PCDHGB3: variants seen among roughly 807,000 people sequenced by gnomAD.
PCDHGB3 encodes the protein protocadherin gamma subfamily B, 3.
A neutral mutation model predicts 59.2 loss-of-function variants in PCDHGB3; 40 were observed. The observed-to-expected ratio is 0.68, with a 90% CI of 0.52 to 0.88. The LOEUF is 0.88. Among genes scored for constraint, PCDHGB3 ranks in the 40% least tolerant of loss-of-function variants. PCDHGB3 has a pLI of 0.00. For synonymous variants in PCDHGB3, 581 were observed against 503.6 expected (o/e 1.15, Z -2.06); for missense variants, 1,309 against 1,187.9 (o/e 1.10, Z -1.50).
chr5:141,423,382 C>G, intron 1 of PCDHGB3: 1 of 1,614,118 alleles, frequency 6.2e-7, no homozygotes, highest in Non-Finnish European at 8.5e-7. Flanking sequence ...CAGGCTGTGG[C>G]GCTGGCATAA....
At chr5:141,387,600 A>T (rs1033182750) in intron 1 of PCDHGB3, 3 of 541,478 alleles carry the variant, frequency 5.5e-6, no homozygotes, top group Admixed American at 7.3e-5. Context: ...GAAGCAGCAG[A>T]GGCTGTAGTT....
At chr5:141,438,649 CACAT>C (rs2098044358) in intron 1 of PCDHGB3, among the ~76,000 whole-genome samples, 1 of 100,976 alleles carries the variant, frequency 9.9e-6, no homozygotes, top group Non-Finnish European at 2.0e-5. Context: ...CACACACACA[CACAT>C]ATATGTATAT....
At chr5:141,422,881 T>G in intron 1 of PCDHGB3, 1 of 1,614,214 alleles carries the variant, frequency 6.2e-7, no homozygotes, top group East Asian at 2.2e-5. Flanking sequence ...GCTGAGCCTG[T>G]TCGTGCTGGA....
chr5:141,494,613 G>A (rs2099755672), intron 1 of PCDHGB3, among the ~76,000 whole-genome samples, 194 bp from the exon 2 acceptor site: 1 of 152,136 alleles, frequency 6.6e-6, no homozygotes, highest in Non-Finnish European at 1.5e-5. Context: ...TTATCTCTTG[G>A]TTTCTGGTAC....
At chr5:141,424,894 T>C (rs868851823) in intron 1 of PCDHGB3, among the ~76,000 whole-genome samples, 44 of 152,320 alleles carry the variant, frequency 2.9e-4, no homozygotes, top group African/African-American at 9.9e-4. Flanking sequence ...TCTAGGGTTT[T>C]TGATCACAGG....
In PCDHGB3 at chr5:141,372,777, GA is replaced by G; in HGVS notation, c.2386del (p.Met796CysfsTer53). ...TTGGTTTGAAAGTAATGACAATCCA[GA>G]AATGCCTTCTAATTCAGGCAATTTG... ...ASWFESNDNPEMPSNSGNLQK... is the reference protein window; with the variant it reads ...ASWFESNDNPXMPSNSGNLQK... On this transcript the variant is annotated frameshift_variant, in exon 1 of 4. Transcript: ENST00000576222. LOFTEE classifies it high-confidence loss of function. The G allele has an allele frequency of 6.2e-7, 1 of 1,609,460 alleles. No individual in the cohort carries two copies. The highest frequency in any genetic ancestry group is 2.2e-5 in the East Asian group (1 of 44,850).
chr5:141,422,205 A>G (rs758255761), intron 1 of PCDHGB3: 2 of 1,562,218 alleles, frequency 1.3e-6, no homozygotes, highest in Non-Finnish European at 1.7e-6. Flanking sequence ...AAGATGGTGG[A>G]GGTCTCTTTA....
At chr5:141,503,554 G>A (rs1395044357) in intron 2 of PCDHGB3, among the ~76,000 whole-genome samples, 11 of 149,146 alleles carry the variant, frequency 7.4e-5, no homozygotes, top group East Asian at 3.9e-4. Flanking sequence ...AGCCGAGATC[G>A]CGCCACTGTA....
At position 141,409,941 on chromosome 5, in the gene PCDHGB3, G is replaced by C. The variant is rs757414302; in HGVS notation, c.2415+37132G>C. ...TCCGCGTTCTTCGATATGGTACCTC[G>C]CTCTGCAGAGCCCGGCTACCTAGTG... On this transcript the variant is annotated intron_variant, in intron 1 of 3. Transcript: ENST00000576222. 1.9e-6 allele frequency: 3 copies of C among 1,613,226 alleles called. No homozygotes were observed. In the South Asian group the frequency reaches 3.3e-5, roughly 18 times the overall value.
At chr5:141,394,150 A>G in intron 1 of PCDHGB3, 3 of 1,613,916 alleles carry the variant, frequency 1.9e-6, no homozygotes, top group East Asian at 2.2e-5. Context: ...GCAGACATTA[A>G]CGACAACCCT....
At chr5:141,440,859 T>C (rs1272611201) in intron 1 of PCDHGB3, 1 of 152,076 alleles carries the variant, frequency 6.6e-6, no homozygotes, top group Non-Finnish European at 1.5e-5. Context: ...CCTGTGTTCA[T>C]CTAGGATGTG....
rs552812176 is a variant in PCDHGB3, at chr5:141,497,407, A to G, written c.2474+2542A>G. Among the ~76,000 whole-genome samples, 43 of 152,204 alleles carry G rather than the reference A, an allele frequency of 2.8e-4. No individual in the cohort carries two copies. In the Middle Eastern group the frequency reaches 0.01, roughly 36 times the overall value. The stretch of plus-strand genomic sequence containing the variant: ...GCACCTTACCCCTGCCTCAACTCCC[A>G]TTCCATCAAATGAGAGGCTTAGTGG... On this transcript the variant is annotated intron_variant, in intron 2 of 3. Coordinates refer to ENST00000576222, the MANE Select transcript of PCDHGB3 (RefSeq NM_018924.5).
intron 1 of PCDHGB3, chr5:141,389,406 G>C (rs1235613335): frequency 2.5e-6 from 4 of 1,613,514 alleles, no homozygotes; most frequent in Non-Finnish European, 3.4e-6. Flanking sequence ...CATAAGCGCG[G>C]AGAGCGGGGT....
At chr5:141,500,360 T>C (rs1224064939) in intron 2 of PCDHGB3, among the ~76,000 whole-genome samples, 1 of 151,664 alleles carries the variant, frequency 6.6e-6, no homozygotes, top group Non-Finnish European at 1.5e-5. Context: ...AGGCGCCCAC[T>C]ACCACGCCCG....
rs1331251272 is a variant in PCDHGB3 at position 141,394,996 on chromosome 5, C to G, written c.2415+22187C>G. The G allele has an allele frequency of 3.1e-6, 5 of 1,614,034 alleles. No individual in the cohort carries two copies. In the South Asian group the frequency reaches 5.5e-5, roughly 18 times the overall value. On this transcript the variant is annotated intron_variant, in intron 1 of 3. Coordinates refer to ENST00000576222, the MANE Select transcript of PCDHGB3 (RefSeq NM_018924.5). ...CACAAGTCACGCCTGCTCCAGGATTCCGGTGGCAGATTGGTAGGCGTGCCT... is the reference window on the plus strand; with the variant it reads ...CACAAGTCACGCCTGCTCCAGGATTGCGGTGGCAGATTGGTAGGCGTGCCT...
intron 1 of PCDHGB3, chr5:141,417,666 G>C (rs1487166683): frequency 3.1e-5 from 28 of 917,486 alleles, no homozygotes; most frequent in Non-Finnish European, 4.2e-5. Context: ...GGGATTCCCT[G>C]CGCAGCCAAC....
At chr5:141,397,770 A>G (rs913843546) in intron 1 of PCDHGB3, among the ~76,000 whole-genome samples, 13 of 152,238 alleles carry the variant, frequency 8.5e-5, no homozygotes, top group African/African-American at 2.2e-4. Flanking sequence ...TTTATTAAGT[A>G]TATGGACGTA....
At position 141,487,499 on chromosome 5, in the gene PCDHGB3, G is replaced by C; in HGVS notation, c.2416-7308G>C. 6.2e-7 allele frequency: 1 copy of C among 1,614,152 alleles called. No individual in the cohort carries two copies. The highest frequency in any genetic ancestry group is 1.3e-5 in the African/African-American group (1 of 75,042). ...CCACTCTCATGGCTGTACACCCTTG[G>C]CTTCTGCACCCACTCGGAGTGATAG... On this transcript the variant is annotated intron_variant, in intron 1 of 3. Coordinates refer to ENST00000576222, the MANE Select transcript of PCDHGB3 (RefSeq NM_018924.5). The surrounding 1 kb of genome is among the most constrained non-coding windows in gnomAD (Gnocchi z 5.0).
intron 1 of PCDHGB3, chr5:141,408,397 G>T: frequency 6.2e-7 from 1 of 1,614,068 alleles, no homozygotes; most frequent in Non-Finnish European, 8.5e-7. Context: ...CGGCTCGCAA[G>T]CTGCGAGTGA....
Sources: gnomAD v4.1 joint callset for allele counts (sites outside exome capture counted in the v4.1 genomes callset) on GRCh38, gnomAD v4.1.1 for gene constraint, Gnocchi (gnomAD v3.1) non-coding constraint, MANE v1.5 for transcripts, NCBI Gene and HGNC (gene_info 2026-07-23, HGNC 2026-07-21) for gene names.